The following KIRREL2 variants were observed in gnomAD, a reference collection of about 807,000 sequenced individuals.
The protein encoded by KIRREL2 is kirre like nephrin family adhesion molecule 2, also known as kin of IRRE-like protein 2.
In KIRREL2, 56 loss-of-function variants were observed where a neutral mutation model predicts 73.4. That is an observed-to-expected ratio of 0.76 (90% CI 0.62 to 0.95). The LOEUF is 0.95. Ranked by LOEUF, KIRREL2 falls within the 40% of genes least tolerant of loss-of-function variation. The pLI is 0.00. For missense variants in KIRREL2, 896 were observed against 935.0 expected (o/e 0.96, Z 0.54); for synonymous variants, 407 against 404.0 (o/e 1.01, Z -0.09).
chr19:35,852,983 CG>C (rs1214578484), upstream of KIRREL2, among the ~76,000 whole-genome samples: 1 of 152,050 alleles, frequency 6.6e-6, no homozygotes, highest in African/African-American at 2.4e-5. Flanking sequence ...TTACTAGAGA[CG>C]GGGTTTCATC....
upstream of KIRREL2, chr19:35,856,850 G>T (rs753999916): frequency 1.3e-4 from 73 of 544,796 alleles, no homozygotes; most frequent in Non-Finnish European, 2.1e-4. This position sits in a 1 kb window ranked among gnomAD's most constrained non-coding sequence, Gnocchi z 5.9. Flanking sequence ...GGAAGAGGGC[G>T]GAGCTCCCGG....
Position 35,857,418 on chromosome 19 carries a change from TG to T in KIRREL2, c.136del (p.Ala46LeufsTer8). The T allele has an allele frequency of 6.2e-7, 1 of 1,613,052 alleles. No homozygotes were observed. On this transcript the variant is annotated frameshift_variant, in exon 2 of 15. Transcript: ENST00000360202. LOFTEE classifies it high-confidence loss of function. ...LLGEEARLPC[A>X]LGAYWGLVQW... Reference sequence around the variant, plus strand: ...TGGGGGAGGAAGCCCGGCTGCCGTGTGCTCTGGGCGCCTACTGGGGGCTAGT... The same window carrying T: ...TGGGGGAGGAAGCCCGGCTGCCGTGTCTCTGGGCGCCTACTGGGGGCTAGT...
At chr19:35,865,997 T>TTC (rs749508138) in intron 14 of KIRREL2, among the ~76,000 whole-genome samples, 160 bp from the exon 15 acceptor site, 1 of 152,190 alleles carries the variant, frequency 6.6e-6, no homozygotes, top group Non-Finnish European at 1.5e-5. Flanking sequence ...CTGTCTCACT[T>TTC]TCTCTCTCTC....
Position 35,860,310 on chromosome 19 carries a change from G to T in KIRREL2, c.687G>T (p.Val229=). Residue 229 remains valine (V), a synonymous_variant, in exon 6 of 15, where the codon GTG becomes GTT. Coordinates refer to ENST00000360202, the MANE Select transcript of KIRREL2 (RefSeq NM_199180.4). ...ITLSLQYPPE[V]TLSASPHTVQ... ...CCACCCTCACAGACCCCCCAGAGGT[G>T]ACTCTGTCTGCTTCGCCACACACTG... is the stretch of plus-strand genomic sequence containing the variant. 6.2e-7 allele frequency: 1 copy of T among 1,614,020 alleles called. No homozygotes were observed. The highest frequency in any genetic ancestry group is 8.5e-7 in the Non-Finnish European group (1 of 1,180,004).
chr19:35,860,844 G>A (rs1021098463), intron 7 of KIRREL2, 65 bp from the exon 8 acceptor site: 1 of 1,609,108 alleles, frequency 6.2e-7, no homozygotes, highest in East Asian at 2.2e-5. Context: ...CTGTGGGGCT[G>A]GCTGATCCCA....
rs375361780 is a variant in KIRREL2 at position 35,861,893 on chromosome 19, G to C, written c.1379G>C (p.Gly460Ala). The change falls in exon 11 of 15, where the codon GGA becomes GCA. Residue 460 changes from glycine (G) to alanine (A), a missense_variant. By Grantham distance (60) the Gly-to-Ala change is moderately conservative. Coordinates refer to ENST00000360202, the MANE Select transcript of KIRREL2 (RefSeq NM_199180.4). Reference sequence around the variant, plus strand: ...TTCCCTGCCCCAGAGAGCCGCGGGGGACTGGGTCCGGGCCTGATCTCTGTG... The same window carrying C: ...TTCCCTGCCCCAGAGAGCCGCGGGGCACTGGGTCCGGGCCTGATCTCTGTG... ...ETFPAPESRGGLGPGLISVLH... is the reference protein window; with the variant it reads ...ETFPAPESRGALGPGLISVLH... 9.4e-6 allele frequency: 15 copies of C among 1,603,736 alleles called. No individual in the cohort carries two copies. In the African/African-American group the frequency reaches 1.9e-4, roughly 20 times the overall value.
At chr19:35,859,659 G>A (rs759924647) in intron 5 of KIRREL2, 28 bp downstream of exon 5, 3 of 1,611,030 alleles carry the variant, frequency 1.9e-6, no homozygotes, top group East Asian at 2.2e-5. Flanking sequence ...TGGGAAAGAG[G>A]GGTGTGGGGC....
chr19:35,860,637 G>A lies in KIRREL2; in HGVS notation c.898G>A (p.Ala300Thr), dbSNP rs774912772. ...CGAGGTCAGCAACGCCGTGGGTAGC[G>A]CCAACCGCAGTACTGCGCTGGATGT... is the stretch of plus-strand genomic sequence containing the variant. ...SCEVSNAVGS[A>T]NRSTALDVLF... The change falls in exon 7 of 15, where the codon GCC becomes ACC. Residue 300 changes from alanine (A) to threonine (T), a missense_variant. Physicochemically the swap from Ala to Thr is moderately conservative, Grantham distance 58. Transcript: ENST00000360202. 12 of 1,603,330 alleles carry A rather than the reference G, an allele frequency of 7.5e-6. No individual in the cohort carries two copies. In the South Asian group the frequency reaches 1.1e-4, roughly 15 times the overall value.
chr19:35,858,987 T>C (rs1973551985), intron 4 of KIRREL2, 123 bp downstream of exon 4: 13 of 1,075,346 alleles, frequency 1.2e-5, no homozygotes, highest in East Asian at 2.4e-5. Context: ...GTTTGGACTC[T>C]TGAAATATGA....
chr19:35,861,336 G>T, intron 9 of KIRREL2, 82 bp downstream of exon 9: 2 of 1,503,432 alleles, frequency 1.3e-6, no homozygotes, highest in Non-Finnish European at 1.8e-6. Context: ...AATGCAGTGG[G>T]AGTGGCCTGG....
rs530919307 is a variant in KIRREL2, at chr19:35,866,944, A to G, written c.*452A>G. 39 of 191,086 alleles carry G rather than the reference A, an allele frequency of 2.0e-4. No individual in the cohort carries two copies. The South Asian group carries it at 4.1e-3, about 20-fold the overall frequency. The allele number at this position is 191,086 out of a possible 1,614,324, so 11.8% of individuals were successfully genotyped here. On this transcript the variant is annotated 3_prime_UTR_variant, in exon 15 of 15. Transcript: ENST00000360202. ...CCCTGAGGGGAACTTTGCTCGGCCA[A>G]TGGAAATGCAGCCAAGATGGCCATA...
intron 11 of KIRREL2, 33 bp from the exon 12 acceptor site, chr19:35,862,460 G>A: frequency 1.3e-6 from 2 of 1,525,354 alleles, no homozygotes; most frequent in Non-Finnish European, 9.0e-7. Flanking sequence ...TTCCCCCTCA[G>A]CCTTCTCAGG....
At chr19:35,851,483 T>C (rs1425382291), upstream of KIRREL2, 1 of 1,613,572 alleles carries the variant, frequency 6.2e-7, no homozygotes, top group Admixed American at 1.7e-5. Context: ...TTCCAGGCGG[T>C]ACCTCGGGAA....
intron 7 of KIRREL2, 96 bp from the exon 8 acceptor site, chr19:35,860,813 G>A (rs992329037): frequency 6.3e-7 from 1 of 1,593,564 alleles, no homozygotes; most frequent in South Asian, 1.1e-5. Context: ...ATATTCTTGC[G>A]CCCTAGAGGG....
At chr19:35,854,881 C>T (rs999846233), upstream of KIRREL2, among the ~76,000 whole-genome samples, 4 of 152,118 alleles carry the variant, frequency 2.6e-5, no homozygotes, top group African/African-American at 4.8e-5. Flanking sequence ...TCTCCATCTC[C>T]GAGTGGCTCT....
rs772434350 is a variant in KIRREL2 at position 35,866,250 on chromosome 19, TC to T, written c.1891del (p.Pro634GlnfsTer97). 4 of 1,606,982 alleles carry T rather than the reference TC, an allele frequency of 2.5e-6. No homozygotes were observed. The highest frequency in any genetic ancestry group is 3.4e-6 in the Non-Finnish European group (4 of 1,174,604). On this transcript the variant is annotated frameshift_variant, in exon 15 of 15. Coordinates refer to ENST00000360202, the MANE Select transcript of KIRREL2 (RefSeq NM_199180.4). LOFTEE classifies it high-confidence loss of function. ...PGGGLFLPPP[S>X]PLGPPGTPTF... is the part of the protein sequence containing the mutation. ...AGGAGGTCTCTTCCTGCCACCACCC[TC>T]CCCCCTTGGGCCCCCAGGGACCCCT...
chr19:35,861,562 T>C lies in KIRREL2; in HGVS notation c.1211T>C (p.Leu404Pro), dbSNP rs200212729. 98 of 1,613,958 alleles carry C rather than the reference T, an allele frequency of 6.1e-5. No homozygotes were observed. In the African/African-American group the frequency reaches 1.1e-3, roughly 18 times the overall value. ...CCAGCTCCCCCAGTAGTGACCGCCC[T>C]GCACTCTGCGCCTGCCTTCCTGAGG... ...TVNAPPVVTALHSAPAFLRGP... is the reference protein window; with the variant it reads ...TVNAPPVVTAPHSAPAFLRGP... Residue 404 changes from leucine (L) to proline (P), a missense_variant, in exon 10 of 15, where the codon CTG becomes CCG. Leu to Pro is a moderately conservative substitution (Grantham distance 98, BLOSUM62 -3). Transcript: ENST00000360202.
intron 14 of KIRREL2, among the ~76,000 whole-genome samples, chr19:35,864,925 A>G (rs1973901728): frequency 6.6e-6 from 1 of 151,726 alleles, no homozygotes; most frequent in Non-Finnish European, 1.5e-5. Context: ...CTCTTCCCAC[A>G]CATCTGTCCC....
At position 35,860,969 on chromosome 19, in the gene KIRREL2, C is replaced by T. The variant is rs201741181; in HGVS notation, c.989C>T (p.Ser330Phe). The change falls in exon 8 of 15, where the codon TCC becomes TTC. Residue 330 changes from serine (S) to phenylalanine (F), a missense_variant. Physicochemically the swap from Ser to Phe is radical, Grantham distance 155. Transcript: ENST00000360202. ...TCCGTGGACGTGGGGGAAGACGCTT[C>T]CTTCAGCTGCGCCTGGCGCGGGAAC... Reference protein sequence around the residue: ...PVSVDVGEDASFSCAWRGNPL... With the variant: ...PVSVDVGEDAFFSCAWRGNPL... The T allele has an allele frequency of 2.1e-5, 34 of 1,613,820 alleles. No homozygotes were observed. The African/African-American group carries it at 3.1e-4, about 15-fold the overall frequency.
Sources: allele counts gnomAD v4.1 joint callset (sites outside exome capture counted in the v4.1 genomes callset), GRCh38; gene constraint gnomAD v4.1.1; non-coding constraint Gnocchi (gnomAD v3.1); transcripts MANE v1.5; gene names NCBI Gene and HGNC (gene_info 2026-07-23, HGNC 2026-07-21).